The following TDRD10 variants were observed in gnomAD, a reference collection of about 807,000 sequenced individuals.
TDRD10 encodes tudor domain containing 10.
TDRD10 carries 40 observed loss-of-function variants against 48.0 expected under a neutral mutation model. The observed-to-expected ratio is 0.83, with a 90% CI of 0.65 to 1.09. The LOEUF is 1.09. Ranked by LOEUF, TDRD10 falls within the 50% of genes least tolerant of loss-of-function variation. The probability of loss-of-function intolerance (pLI) is 0.00; values close to 1 mark genes in which losing one functional copy is unlikely to be tolerated. For missense variants in TDRD10, 378 were observed against 434.7 expected (o/e 0.87, Z 1.16); for synonymous variants, 162 against 170.4 (o/e 0.95, Z 0.38).
intron 4 of TDRD10, among the ~76,000 whole-genome samples, chr1:154,510,283 C>G: frequency 6.6e-6 from 1 of 151,384 alleles, no homozygotes; most frequent in African/African-American, 2.4e-5. Flanking sequence ...ACATTAATGC[C>G]CTGTCAACTG....
intron 11 of TDRD10, among the ~76,000 whole-genome samples, chr1:154,546,374 AAT>A (rs1205843998): frequency 3.6e-5 from 5 of 140,692 alleles, no homozygotes; most frequent in Admixed American, 7.2e-5. Context: ...ACCCGGCCAA[AAT>A]ATATATATAT....
At chr1:154,546,730 C>T (rs902459796) in intron 11 of TDRD10, among the ~76,000 whole-genome samples, 2 of 152,152 alleles carry the variant, frequency 1.3e-5, no homozygotes, top group African/African-American at 2.4e-5. Context: ...CCCAGCCTGT[C>T]AGAAGGGCCA....
intron 4 of TDRD10, among the ~76,000 whole-genome samples, chr1:154,510,749 T>A (rs1390154028): frequency 6.6e-6 from 1 of 151,776 alleles, no homozygotes; most frequent in East Asian, 2.0e-4. Flanking sequence ...AGCCAGTATT[T>A]TAAAAAAACT....
At chr1:154,525,895 CAAAAAA>C (rs59844127) in intron 6 of TDRD10, among the ~76,000 whole-genome samples, 12 of 52,982 alleles carry the variant, frequency 2.3e-4, no homozygotes, top group East Asian at 1.8e-3. Context: ...GATTCCGTCT[CAAAAAA>C]AAAAAAAAAA....
intron 1 of TDRD10, among the ~76,000 whole-genome samples, chr1:154,505,354 G>A (rs762339241): frequency 8.5e-5 from 13 of 152,206 alleles, no homozygotes; most frequent in Non-Finnish European, 1.9e-4. Flanking sequence ...TGCCTGTTCT[G>A]TTTCAGAAGC....
intron 10 of TDRD10, 104 bp downstream of exon 10, chr1:154,544,621 T>G (rs1465845260): frequency 3.2e-5 from 48 of 1,495,050 alleles, no homozygotes; most frequent in Middle Eastern, 3.8e-4. Context: ...TCCTGTGGCT[T>G]CTTCTCTCAA....
At chr1:154,531,378 C>T (rs149625784) in intron 6 of TDRD10, among the ~76,000 whole-genome samples, 47 of 152,268 alleles carry the variant, frequency 3.1e-4, no homozygotes, top group African/African-American at 9.6e-4. Context: ...GTAAGTATTA[C>T]AGTTCTTAAA....
chr1:154,531,697 G>GT (rs1694630656), intron 6 of TDRD10, among the ~76,000 whole-genome samples: 1 of 152,206 alleles, frequency 6.6e-6, no homozygotes, highest in East Asian at 1.9e-4. Context: ...TCCACAGTGC[G>GT]TAAGGGGACC....
chr1:154,517,475 G>A lies in TDRD10; in HGVS notation c.142-2829G>A, dbSNP rs188121389. 1.6e-4 allele frequency among the ~76,000 whole-genome samples: 24 copies of A among 149,524 alleles called. No homozygotes were observed. In the East Asian group the frequency reaches 4.5e-3, roughly 28 times the overall value. On this transcript the variant is annotated intron_variant, in intron 4 of 12. Transcript: ENST00000368482. ...TCGTTCTTGTTGCCCAGGCTGGAGCGCAATGGTGCGATCTCGGCTCACTGC... is the reference window on the plus strand; with the variant it reads ...TCGTTCTTGTTGCCCAGGCTGGAGCACAATGGTGCGATCTCGGCTCACTGC...
chr1:154,521,607 G>C (rs1163307030), intron 6 of TDRD10, 128 bp downstream of exon 6: 11 of 1,030,786 alleles, frequency 1.1e-5, no homozygotes, highest in Non-Finnish European at 1.6e-5. Flanking sequence ...CAGGGTCTCG[G>C]GTGAAGTCAG....
At chr1:154,541,903 T>C in intron 6 of TDRD10, 121 bp from the exon 7 acceptor site, 1 of 898,238 alleles carries the variant, frequency 1.1e-6, no homozygotes, top group Non-Finnish European at 1.7e-6. Flanking sequence ...AGCTCTAAAG[T>C]CGGAGTCAGA....
In TDRD10 at chr1:154,544,365, C is replaced by T. The variant is rs1159364423; in HGVS notation, c.652-7C>T. Reference sequence around the variant, plus strand: ...GCAGTGGGGCCGTTGCGTTTTGCACCCCACAGGCTCTGCACCAGAACATGC... The same window carrying T: ...GCAGTGGGGCCGTTGCGTTTTGCACTCCACAGGCTCTGCACCAGAACATGC... On this transcript the variant is annotated splice_region_variant and splice_polypyrimidine_tract_variant and intron_variant, in intron 9 of 12. Transcript: ENST00000368482. The T allele has an allele frequency of 1.3e-6, 2 of 1,576,640 alleles. No homozygotes were observed. The highest frequency in any genetic ancestry group is 1.2e-5 in the South Asian group (1 of 86,410).
chr1:154,539,896 T>C (rs1271771661), intron 6 of TDRD10, among the ~76,000 whole-genome samples: 2 of 152,074 alleles, frequency 1.3e-5, no homozygotes, highest in African/African-American at 4.8e-5. Flanking sequence ...CAATGCCAGC[T>C]CAGAGCCAGC....
chr1:154,507,648 G>C (rs574769052), intron 3 of TDRD10, among the ~76,000 whole-genome samples: 1 of 152,038 alleles, frequency 6.6e-6, no homozygotes. Context: ...TCCCCAACCC[G>C]GTTACAGCCC....
At chr1:154,541,049 C>T (rs566177913) in intron 6 of TDRD10, among the ~76,000 whole-genome samples, 8 of 152,122 alleles carry the variant, frequency 5.3e-5, no homozygotes, top group East Asian at 1.9e-4. Context: ...GCACAGAGAC[C>T]GTGAAACTGT....
rs895559803 is a variant in TDRD10 at position 154,521,466 on chromosome 1, C to T, written c.356C>T (p.Pro119Leu). The change falls in exon 6 of 13, where the codon CCT (proline) becomes CTT (leucine). Residue 119 changes from proline (P) to leucine (L), a missense_variant. Around this residue, in one of 2 missense-constraint regions of TDRD10, gnomAD observed 310 missense variants for 323.6 expected, o/e 0.96. Transcript: ENST00000368482. ...PKRTPDMIQQ[P>L]RAPLVLEKAS... ...AGGACCCCTGATATGATCCAGCAGC[C>T]TCGGGCCCCGCTGGTATGTCTTCTG... 1 of 1,613,880 alleles carries T rather than the reference C, an allele frequency of 6.2e-7. No homozygotes were observed. The highest frequency in any genetic ancestry group is 1.3e-5 in the African/African-American group (1 of 75,036).
chr1:154,503,519 C>G (rs1308196783), intron 1 of TDRD10, among the ~76,000 whole-genome samples: 3 of 152,106 alleles, frequency 2.0e-5, no homozygotes, highest in South Asian at 2.1e-4. Context: ...ACCCGGGAGG[C>G]GCAGGTTGCA....
chr1:154,529,245 A>C (rs899797148), intron 6 of TDRD10, among the ~76,000 whole-genome samples: 4 of 151,972 alleles, frequency 2.6e-5, no homozygotes, highest in Admixed American at 6.6e-5. Context: ...ACACCCAGCT[A>C]CTTTTGTATT....
intron 6 of TDRD10, among the ~76,000 whole-genome samples, chr1:154,538,703 A>T (rs1261632413): frequency 6.6e-6 from 1 of 151,872 alleles, no homozygotes; most frequent in East Asian, 1.9e-4. Context: ...AATACAAAAA[A>T]TTAGCCGGGT....
Sources: allele counts gnomAD v4.1 joint callset (sites outside exome capture counted in the v4.1 genomes callset), GRCh38; gene constraint gnomAD v4.1.1; regional missense constraint gnomAD v4.1.1; transcripts MANE v1.5; gene names NCBI Gene and HGNC (gene_info 2026-07-23, HGNC 2026-07-21).